The following CIMIP3 variants were observed in gnomAD, a reference collection of about 807,000 sequenced individuals.
CIMIP3 encodes ciliary microtubule inner protein 3.
chr6:42,162,630 G>T, the CIMIP3 span, among the ~76,000 whole-genome samples: 2 of 151,606 alleles, frequency 1.3e-5, no homozygotes, highest in Admixed American at 6.6e-5. Context: ...ATGCAGGGAA[G>T]GGGGGTGGGG....
At chr6:42,155,736 C>T in the CIMIP3 span, 1 of 681,306 alleles carries the variant, frequency 1.5e-6, no homozygotes, top group South Asian at 1.6e-5. Flanking sequence ...CTTCCTCTGC[C>T]CCTTCACTGC....
the CIMIP3 span, among the ~76,000 whole-genome samples, chr6:42,159,831 C>A: frequency 6.6e-6 from 1 of 152,240 alleles, no homozygotes; most frequent in African/African-American, 2.4e-5. Context: ...CCTCACCAGT[C>A]ATGTGACCCT....
the CIMIP3 span, chr6:42,155,689 G>A: frequency 2.8e-6 from 2 of 712,108 alleles, no homozygotes; most frequent in Admixed American, 4.0e-5. Context: ...ATCTCTCTGG[G>A]GAGATGGAGA....
At chr6:42,161,571 A>G in the CIMIP3 span, among the ~76,000 whole-genome samples, 6 of 152,144 alleles carry the variant, frequency 3.9e-5, no homozygotes, top group Non-Finnish European at 7.4e-5. Context: ...CAGAGGAATA[A>G]ATAAATGTCA....
At chr6:42,162,881 T>A in the CIMIP3 span, 1 of 602,706 alleles carries the variant, frequency 1.7e-6, no homozygotes, top group Non-Finnish European at 3.1e-6. Flanking sequence ...AGTCCCAGTA[T>A]CCAATGCCTC....
chr6:42,158,726 A>G, the CIMIP3 span, among the ~76,000 whole-genome samples: 1 of 152,198 alleles, frequency 6.6e-6, no homozygotes, highest in East Asian at 1.9e-4. Context: ...GGCTCTTAGG[A>G]GCTTTTGCAG....
the CIMIP3 span, chr6:42,155,596 A>AG: frequency 4.2e-6 from 3 of 717,372 alleles, no homozygotes; most frequent in Non-Finnish European, 7.8e-6. Context: ...GCTGGGAGGT[A>AG]GGTCCTCTTA....
At chr6:42,155,459 G>C in the CIMIP3 span, 1 of 688,902 alleles carries the variant, frequency 1.5e-6, no homozygotes, top group Non-Finnish European at 2.7e-6. Context: ...TCACCATCAA[G>C]AAAGGCCCTG....
chr6:42,160,586 T>A, the CIMIP3 span, among the ~76,000 whole-genome samples: 1 of 152,206 alleles, frequency 6.6e-6, no homozygotes, highest in East Asian at 1.9e-4. Context: ...TGTAGGACTC[T>A]GAATGACAAC....
chr6:42,160,117 C>G, the CIMIP3 span, among the ~76,000 whole-genome samples: 3 of 152,020 alleles, frequency 2.0e-5, no homozygotes, highest in Admixed American at 6.6e-5. Flanking sequence ...TCCTGAGTGG[C>G]TAGGACCATA....
chr6:42,158,661 T>C, the CIMIP3 span, among the ~76,000 whole-genome samples: 97,482 of 152,160 alleles, frequency 0.64, 31,388 homozygotes, highest in Non-Finnish European at 0.68. Context: ...AAAAATGCTT[T>C]GATGCCTCCG....
the CIMIP3 span, among the ~76,000 whole-genome samples, chr6:42,160,338 C>T: frequency 6.6e-6 from 1 of 152,118 alleles, no homozygotes; most frequent in Non-Finnish European, 1.5e-5. Flanking sequence ...CAGTGCTTGC[C>T]CCTCTGCCTA....
chr6:42,159,603 C>T, the CIMIP3 span, among the ~76,000 whole-genome samples: 2 of 152,220 alleles, frequency 1.3e-5, no homozygotes, highest in African/African-American at 4.8e-5. Context: ...CTGGCTGCCC[C>T]GCCCTCCAGT....
the CIMIP3 span, chr6:42,163,157 C>T: frequency 1.6e-6 from 1 of 644,410 alleles, no homozygotes; most frequent in Non-Finnish European, 2.9e-6. Context: ...TTTGCAGAAG[C>T]CTACCTGTGG....
At chr6:42,157,124 C>G in the CIMIP3 span, among the ~76,000 whole-genome samples, 1 of 152,216 alleles carries the variant, frequency 6.6e-6, no homozygotes, top group Admixed American at 6.5e-5. Context: ...ACTCTAAACC[C>G]CGGCATAAGG....
At chr6:42,160,080 G>A in the CIMIP3 span, among the ~76,000 whole-genome samples, 413 of 152,224 alleles carry the variant, frequency 2.7e-3, 1 homozygote, top group Middle Eastern at 0.014. Context: ...CGACCTCCTG[G>A]GTTCAAGCCA....
chr6:42,160,511 C>A, the CIMIP3 span, among the ~76,000 whole-genome samples: 12 of 152,200 alleles, frequency 7.9e-5, no homozygotes, highest in African/African-American at 2.7e-4. Context: ...CCTGTTGGGA[C>A]TTTAGCAAAG....
At chr6:42,160,578 T>C in the CIMIP3 span, among the ~76,000 whole-genome samples, 1 of 152,226 alleles carries the variant, frequency 6.6e-6, no homozygotes, top group African/African-American at 2.4e-5. Context: ...AGTGCACTTG[T>C]AGGACTCTGA....
the CIMIP3 span, among the ~76,000 whole-genome samples, chr6:42,157,097 G>A: frequency 6.6e-6 from 1 of 152,192 alleles, no homozygotes; most frequent in African/African-American, 2.4e-5. Context: ...CCCCACTCTT[G>A]AGTCATGCAC....
Sources: allele counts gnomAD v4.1 joint callset (sites outside exome capture counted in the v4.1 genomes callset), GRCh38; gene constraint gnomAD v4.1.1; transcripts MANE v1.5; gene names NCBI Gene and HGNC (gene_info 2026-07-23, HGNC 2026-07-21).